The following DCAF8L2 variants were observed in gnomAD, a reference collection of about 807,000 sequenced individuals.
DCAF8L2 encodes DDB1- and CUL4-associated factor 8-like protein 2.
For synonymous variants in DCAF8L2, 200 were observed against 190.9 expected, an observed-to-expected ratio of 1.05 and a Z score of -0.39; for missense variants, 430 against 490.7, an observed-to-expected ratio of 0.88 and a Z score of 1.17.
chrX:27,616,785 G>A (rs1303369059), intron 1 of DCAF8L2, among the ~76,000 whole-genome samples: 1 of 111,097 alleles, frequency 9.0e-6, no homozygotes, highest in Non-Finnish European at 1.9e-5. Context: ...TAGGGAAAAC[G>A]GATTGAACAC....
chrX:27,729,181 G>A (rs912329849), intron 4 of DCAF8L2, among the ~76,000 whole-genome samples: 39 of 111,792 alleles, frequency 3.5e-4, no homozygotes, highest in African/African-American at 9.4e-4. Context: ...TTAGCAAGAC[G>A]AAAGTGGGGA....
chrX:27,739,550 T>C (rs1249130602), intron 4 of DCAF8L2, among the ~76,000 whole-genome samples: 1 of 111,688 alleles, frequency 9.0e-6, no homozygotes, highest in Non-Finnish European at 1.9e-5. Flanking sequence ...CTATATTCAC[T>C]CCCTAGGTGA....
At chrX:27,704,548 G>C (rs1024227912) in intron 3 of DCAF8L2, among the ~76,000 whole-genome samples, 1 of 110,025 alleles carries the variant, frequency 9.1e-6, no homozygotes, top group Non-Finnish European at 1.9e-5. Flanking sequence ...ATGTCTAAGC[G>C]TACACTCCTT....
chrX:27,474,138 C>A, the DCAF8L2 span, among the ~76,000 whole-genome samples: 21 of 110,837 alleles, frequency 1.9e-4, no homozygotes, highest in Non-Finnish European at 2.8e-4. Flanking sequence ...ATTATCCCCA[C>A]GCAGAAAATA....
chrX:27,598,035 T>C (rs1243788567), intron 1 of DCAF8L2, among the ~76,000 whole-genome samples: 1 of 112,435 alleles, frequency 8.9e-6, no homozygotes, highest in African/African-American at 3.2e-5. Flanking sequence ...AATCTTATTT[T>C]CATATAAATT....
rs185322973 is a variant in DCAF8L2, at chrX:27,622,190, C to T, written c.-341-9689C>T. Among the ~76,000 whole-genome samples, 563 of 109,337 alleles carry T rather than the reference C, an allele frequency of 5.1e-3. 1 individual carries two copies. Among genetic ancestry groups the T allele is most frequent in the African/African-American group, 0.018 (522 of 29,632 alleles). The allele number at this position is 109,337 out of a possible 115,157, so 94.9% of individuals were successfully genotyped here. On this transcript the variant is annotated intron_variant, in intron 1 of 4. Transcript: ENST00000451261. ...TGTATAAGAACATCATTTGGGAGGC[C>T]GAGACGGGCGGATCACGAGGTCAGG... is the stretch of plus-strand genomic sequence containing the variant.
chrX:27,734,879 G>A (rs1921430627), intron 4 of DCAF8L2, among the ~76,000 whole-genome samples: 1 of 111,820 alleles, frequency 8.9e-6, no homozygotes, highest in African/African-American at 3.2e-5. Flanking sequence ...CTGGCGAAAA[G>A]CAAACACAAT....
the DCAF8L2 span, among the ~76,000 whole-genome samples, chrX:27,481,402 T>TAA: frequency 1.8e-5 from 2 of 110,909 alleles, no homozygotes; most frequent in East Asian, 5.6e-4. Flanking sequence ...ATTAATTAAT[T>TAA]TAATTAAAGA....
the DCAF8L2 span, among the ~76,000 whole-genome samples, chrX:27,582,048 A>G: frequency 3.9e-4 from 44 of 111,734 alleles, no homozygotes; most frequent in African/African-American, 1.3e-3. Context: ...ATTTTCTTTC[A>G]TTATTTTATT....
chrX:27,642,814 T>C (rs1054469250), intron 2 of DCAF8L2, among the ~76,000 whole-genome samples: 4 of 112,148 alleles, frequency 3.6e-5, no homozygotes, highest in African/African-American at 1.3e-4. Context: ...AACCATGTAA[T>C]CATTTTGAAA....
chrX:27,518,172 G>A, the DCAF8L2 span: 100 of 897,915 alleles, frequency 1.1e-4, no homozygotes, highest in Non-Finnish European at 1.3e-4. Flanking sequence ...TATATTGCCC[G>A]CCAGAAACTG....
chrX:27,696,130 C>T (rs1430537975), intron 3 of DCAF8L2, among the ~76,000 whole-genome samples: 1 of 105,585 alleles, frequency 9.5e-6, no homozygotes, highest in African/African-American at 3.5e-5. Context: ...ACCTGGGAGG[C>T]AGAGGTTGCA....
chrX:27,656,025 C>T (rs1929337995), intron 2 of DCAF8L2, among the ~76,000 whole-genome samples: 1 of 111,525 alleles, frequency 9.0e-6, no homozygotes, highest in African/African-American at 3.3e-5. Flanking sequence ...GAGCTACACA[C>T]TGAGGCTTCC....
At chrX:27,722,405 A>G (rs1417840823) in intron 4 of DCAF8L2, among the ~76,000 whole-genome samples, 1 of 111,663 alleles carries the variant, frequency 9.0e-6, no homozygotes, top group Non-Finnish European at 1.9e-5. Context: ...CCCAGTCTAT[A>G]TTAAATGTGC....
chrX:27,475,715 A>G, the DCAF8L2 span, among the ~76,000 whole-genome samples: 1 of 62,899 alleles, frequency 1.6e-5, no homozygotes, highest in Non-Finnish European at 3.9e-5. Flanking sequence ...TACTGAAAAT[A>G]TCAGAAAATG....
chrX:27,615,748 C>G (rs1306655808), intron 1 of DCAF8L2, among the ~76,000 whole-genome samples: 1 of 111,156 alleles, frequency 9.0e-6, no homozygotes, highest in Non-Finnish European at 1.9e-5. Flanking sequence ...AAACATAGAT[C>G]AGAGGAGAAT....
intron 4 of DCAF8L2, among the ~76,000 whole-genome samples, chrX:27,725,702 A>G (rs1932048185): frequency 9.6e-6 from 1 of 103,862 alleles, no homozygotes; most frequent in South Asian, 4.0e-4. Flanking sequence ...TGTTACAAGT[A>G]GAATAATATA....
chrX:27,496,238 T>G, the DCAF8L2 span, among the ~76,000 whole-genome samples: 27 of 112,146 alleles, frequency 2.4e-4, no homozygotes, highest in Non-Finnish European at 4.9e-4. Context: ...GCAATTGATG[T>G]TTTAAAAAAC....
chrX:27,528,472 A>G, the DCAF8L2 span, among the ~76,000 whole-genome samples: 2 of 55,626 alleles, frequency 3.6e-5, no homozygotes, highest in Non-Finnish European at 6.9e-5. Flanking sequence ...GGTTATGTGT[A>G]TGTGTATATA....
Sources: allele counts gnomAD v4.1 joint callset (sites outside exome capture counted in the v4.1 genomes callset), GRCh38; gene constraint gnomAD v4.1.1; transcripts MANE v1.5; gene names NCBI Gene and HGNC (gene_info 2026-07-23, HGNC 2026-07-21).